The following CRPPA variants were observed in gnomAD, a reference collection of about 807,000 sequenced individuals.
The protein encoded by CRPPA is D-ribitol-5-phosphate cytidylyltransferase.
A neutral mutation model predicts 52.0 loss-of-function variants in CRPPA; 43 were observed. That is an observed-to-expected ratio of 0.83 (90% CI 0.65 to 1.07). The LOEUF (loss-of-function observed/expected upper bound fraction) is 1.07, where lower values mean the gene tolerates loss of function less well. Ranked by LOEUF, CRPPA falls within the 50% of genes least tolerant of loss-of-function variation. The pLI is 0.00. For synonymous variants in CRPPA, 250 were observed against 203.5 expected, an observed-to-expected ratio of 1.23 and a Z score of -1.94; for missense variants, 629 against 551.7, an observed-to-expected ratio of 1.14 and a Z score of -1.40.
At chr7:16,171,087 C>T (rs1464067388) in intron 9 of CRPPA, among the ~76,000 whole-genome samples, 2 of 152,252 alleles carry the variant, frequency 1.3e-5, no homozygotes, top group African/African-American at 2.4e-5. Flanking sequence ...CAAGGAGGCA[C>T]TGAGAGCGAG....
intron 3 of CRPPA, among the ~76,000 whole-genome samples, chr7:16,342,473 G>C (rs1785872581): frequency 6.6e-6 from 1 of 151,876 alleles, no homozygotes; most frequent in Non-Finnish European, 1.5e-5. Context: ...AAAGGAAAGA[G>C]ACATTTAAAA....
chr7:16,385,848 TGGGATG>T (rs1279517301), intron 2 of CRPPA, among the ~76,000 whole-genome samples: 1 of 152,130 alleles, frequency 6.6e-6, no homozygotes. Flanking sequence ...AAACCCCTTA[TGGGATG>T]GGGAGCACCC....
intron 9 of CRPPA, among the ~76,000 whole-genome samples, chr7:16,208,715 A>C (rs928404167): frequency 5.9e-5 from 9 of 152,324 alleles, no homozygotes; most frequent in Admixed American, 3.9e-4. Flanking sequence ...GAATAAGTGT[A>C]TATCACCCAT....
chr7:16,280,801 CTT>C (rs1784305781), intron 5 of CRPPA, among the ~76,000 whole-genome samples: 1 of 152,092 alleles, frequency 6.6e-6, no homozygotes, highest in South Asian at 2.1e-4. Flanking sequence ...TGGAAGATCA[CTT>C]GAGGTCAGGA....
chr7:16,380,392 C>T (rs1046274688), intron 2 of CRPPA, among the ~76,000 whole-genome samples: 4 of 152,032 alleles, frequency 2.6e-5, no homozygotes, highest in African/African-American at 7.3e-5. Context: ...TTCAGTTTGC[C>T]GGTATTTTAT....
intron 8 of CRPPA, among the ~76,000 whole-genome samples, chr7:16,254,117 G>A (rs1783542601): frequency 6.6e-6 from 1 of 152,138 alleles, no homozygotes; most frequent in Non-Finnish European, 1.5e-5. Flanking sequence ...TGGAGAAATA[G>A]GAACACTTTT....
At chr7:16,247,011 T>A (rs1332034244) in intron 8 of CRPPA, among the ~76,000 whole-genome samples, 2 of 152,258 alleles carry the variant, frequency 1.3e-5, no homozygotes, top group African/African-American at 4.8e-5. Context: ...GTTCTTCCAA[T>A]AGAAGGCTGT....
intron 8 of CRPPA, among the ~76,000 whole-genome samples, chr7:16,254,272 T>C (rs931960832): frequency 3.8e-4 from 58 of 152,112 alleles, no homozygotes; most frequent in African/African-American, 1.3e-3. Flanking sequence ...CATGCTACTA[T>C]AAAGACGCAT....
chr7:16,211,148 A>T (rs73291455), intron 9 of CRPPA, among the ~76,000 whole-genome samples: 12,006 of 152,250 alleles, frequency 0.079, 550 homozygotes, highest in East Asian at 0.14. Flanking sequence ...TGTGTTTAAT[A>T]TTGCATTTCA....
At chr7:16,121,029 C>A (rs924652246) in intron 9 of CRPPA, among the ~76,000 whole-genome samples, 1 of 151,846 alleles carries the variant, frequency 6.6e-6, no homozygotes, top group African/African-American at 2.4e-5. Flanking sequence ...AAACAATCAG[C>A]AATAGTATAA....
chr7:16,378,931 C>G (rs1204375057), intron 2 of CRPPA, among the ~76,000 whole-genome samples: 3 of 152,048 alleles, frequency 2.0e-5, no homozygotes, highest in Non-Finnish European at 2.9e-5. Context: ...GTCTGTTCAT[C>G]TCCTTCACCC....
intron 9 of CRPPA, among the ~76,000 whole-genome samples, chr7:16,149,724 G>A (rs1175962854): frequency 1.3e-5 from 2 of 152,148 alleles, no homozygotes; most frequent in South Asian, 2.1e-4. Flanking sequence ...GGGGGCTCAC[G>A]CCTGTAATCC....
At position 16,102,087 on chromosome 7, in the gene CRPPA, T is replaced by A. The variant is rs151117379; in HGVS notation, c.1252-10288A>T. On this transcript the variant is annotated intron_variant, in intron 9 of 9. Coordinates refer to ENST00000407010, the MANE Select transcript of CRPPA (RefSeq NM_001101426.4). ...CAAGGCTACTGTAACCAAAACAGCATGGTACTGGTACCAAAACAGATATAT... is the reference window on the plus strand; with the variant it reads ...CAAGGCTACTGTAACCAAAACAGCAAGGTACTGGTACCAAAACAGATATAT... Among the ~76,000 whole-genome samples, 942 of 152,280 alleles carry A rather than the reference T, an allele frequency of 6.2e-3. 12 individuals carry two copies. Among genetic ancestry groups the A allele is most frequent in the African/African-American group, 0.021 (885 of 41,566 alleles).
intron 9 of CRPPA, among the ~76,000 whole-genome samples, chr7:16,121,612 G>A (rs1028367849): frequency 4.6e-5 from 7 of 151,928 alleles, no homozygotes; most frequent in African/African-American, 1.2e-4. Context: ...AAAAGACTTC[G>A]TAAAACAGAT....
intron 5 of CRPPA, among the ~76,000 whole-genome samples, chr7:16,296,840 G>A (rs1784684711): frequency 6.6e-6 from 1 of 152,192 alleles, no homozygotes; most frequent in Non-Finnish European, 1.5e-5. Context: ...TGTGATGCCA[G>A]TAACAAACAC....
At chr7:16,236,708 T>C (rs1782959914) in intron 8 of CRPPA, among the ~76,000 whole-genome samples, 1 of 152,070 alleles carries the variant, frequency 6.6e-6, no homozygotes, top group African/African-American at 2.4e-5. Flanking sequence ...ATTCAACCAA[T>C]AGAAAAGGTT....
chr7:16,168,232 T>C (rs1365472759), intron 9 of CRPPA, among the ~76,000 whole-genome samples: 3 of 152,184 alleles, frequency 2.0e-5, no homozygotes, highest in African/African-American at 4.8e-5. Flanking sequence ...TTCATGTTCA[T>C]TGCCAAGTTA....
intron 3 of CRPPA, among the ~76,000 whole-genome samples, chr7:16,330,538 T>C (rs911559212): frequency 1.2e-4 from 18 of 152,108 alleles, no homozygotes; most frequent in Admixed American, 5.2e-4. Flanking sequence ...AGTGCCTGCA[T>C]AGGGAAAGCT....
intron 1 of CRPPA, among the ~76,000 whole-genome samples, chr7:16,410,618 G>A (rs1345583297): frequency 6.6e-6 from 1 of 152,080 alleles, no homozygotes; most frequent in Non-Finnish European, 1.5e-5. Flanking sequence ...CAAATCTGAG[G>A]TCATCCCCTG....
Sources: gnomAD v4.1 joint callset for allele counts (sites outside exome capture counted in the v4.1 genomes callset) on GRCh38, gnomAD v4.1.1 for gene constraint, MANE v1.5 for transcripts, NCBI Gene and HGNC (gene_info 2026-07-23, HGNC 2026-07-21) for gene names.